PCDH7: variants seen among roughly 807,000 people sequenced by gnomAD.
The protein encoded by PCDH7 is protocadherin 7, also known as protocadherin-7.
A neutral mutation model predicts 58.9 loss-of-function variants in PCDH7; 17 were observed. The ratio of observed to expected loss-of-function variants is 0.29; its 90% confidence interval spans 0.20 to 0.43. PCDH7 has a LOEUF of 0.43. Among genes scored for constraint, PCDH7 ranks in the 20% least tolerant of loss-of-function variants. The probability of loss-of-function intolerance (pLI) is 1.00; values close to 1 mark genes in which losing one functional copy is unlikely to be tolerated. For missense variants in PCDH7, 1,274 were observed against 1,441.0 expected (o/e 0.88, Z 1.88); for synonymous variants, 664 against 616.4 (o/e 1.08, Z -1.14).
At chr4:31,002,926 A>G (rs1219215005) in intron 3 of PCDH7, among the ~76,000 whole-genome samples, 1 of 152,340 alleles carries the variant, frequency 6.6e-6, no homozygotes, top group African/African-American at 2.4e-5. Flanking sequence ...GTCAGAAGAC[A>G]AGTAATTTAT....
At chr4:31,081,928 A>G (rs759752326) in intron 3 of PCDH7, among the ~76,000 whole-genome samples, 3 of 152,030 alleles carry the variant, frequency 2.0e-5, no homozygotes, top group East Asian at 1.9e-4. Context: ...CCACGCCACC[A>G]AGGCCAGCTA....
chr4:31,021,570 G>T (rs1449814020), intron 3 of PCDH7, among the ~76,000 whole-genome samples: 3 of 152,110 alleles, frequency 2.0e-5, no homozygotes, highest in Non-Finnish European at 4.4e-5. Context: ...TGTCCTGGGG[G>T]TGGCTTTCTG....
At chr4:31,032,605 C>CAA (rs528974781) in intron 3 of PCDH7, among the ~76,000 whole-genome samples, 78 of 86,862 alleles carry the variant, frequency 9.0e-4, no homozygotes, top group South Asian at 7.3e-3. Context: ...CAGATTCTGT[C>CAA]AAAAAAAAAA....
At chr4:31,087,176 C>A (rs1578760391) in intron 3 of PCDH7, among the ~76,000 whole-genome samples, 2 of 152,066 alleles carry the variant, frequency 1.3e-5, no homozygotes. Context: ...CAGGTAGTCA[C>A]CCTGTTCGAA....
At chr4:31,013,050 A>G (rs1179699440) in intron 3 of PCDH7, among the ~76,000 whole-genome samples, 2 of 150,254 alleles carry the variant, frequency 1.3e-5, no homozygotes, top group Non-Finnish European at 3.0e-5. Flanking sequence ...AGCCAGGCAT[A>G]GTGGCACATG....
intron 3 of PCDH7, among the ~76,000 whole-genome samples, chr4:31,003,431 T>G (rs1752516225): frequency 6.6e-6 from 1 of 152,086 alleles, no homozygotes; most frequent in Non-Finnish European, 1.5e-5. Context: ...CTTCTAGTCC[T>G]CGTTTTTTTC....
intron 1 of PCDH7, among the ~76,000 whole-genome samples, chr4:30,790,680 G>T (rs7687637): frequency 0.33 from 50,278 of 152,094 alleles, 8,824 homozygotes; most frequent in African/African-American, 0.42. Flanking sequence ...CAGACTTTGG[G>T]AGGCCAAGGT....
exon 2 of PCDH7, chr4:30,730,862 T>A (rs1273534474): frequency 1.5e-5 from 23 of 1,506,104 alleles, no homozygotes; most frequent in Non-Finnish European, 2.0e-5. Flanking sequence ...TGCTGGAGCC[T>A]GCCCTTGGCC....
chr4:31,116,512 G>C (rs80134862), intron 3 of PCDH7, among the ~76,000 whole-genome samples: 1 of 152,146 alleles, frequency 6.6e-6, no homozygotes, highest in East Asian at 1.9e-4. Context: ...TGGCATTTTC[G>C]GTGGCACTGG....
chr4:31,133,441 T>C (rs970884954), intron 3 of PCDH7, among the ~76,000 whole-genome samples: 1 of 152,192 alleles, frequency 6.6e-6, no homozygotes, highest in Non-Finnish European at 1.5e-5. Flanking sequence ...AAAGTAAACA[T>C]GAATGACCAA....
At chr4:30,741,595 C>A (rs1717086105) in intron 1 of PCDH7, among the ~76,000 whole-genome samples, 1 of 152,176 alleles carries the variant, frequency 6.6e-6, no homozygotes, top group African/African-American at 2.4e-5. Context: ...CTGCAGGTCC[C>A]AATGCCCAAC....
chr4:30,949,915 A>C (rs1747175220), intron 2 of PCDH7, among the ~76,000 whole-genome samples: 1 of 152,194 alleles, frequency 6.6e-6, no homozygotes, highest in Non-Finnish European at 1.5e-5. Context: ...GGAGAATCAT[A>C]GTTGAAAGAC....
At chr4:31,083,372 T>C (rs1711875598) in intron 3 of PCDH7, among the ~76,000 whole-genome samples, 2 of 152,166 alleles carry the variant, frequency 1.3e-5, no homozygotes, top group Admixed American at 1.3e-4. Context: ...TTTCAAAATA[T>C]AGGTATGAAC....
At chr4:31,102,927 T>C (rs1017970635) in intron 3 of PCDH7, among the ~76,000 whole-genome samples, 2 of 152,334 alleles carry the variant, frequency 1.3e-5, no homozygotes, top group Non-Finnish European at 2.9e-5. Flanking sequence ...TTATGTGTCA[T>C]AGAACTCTAC....
chr4:31,032,190 A>T (rs985199003), intron 3 of PCDH7, among the ~76,000 whole-genome samples: 16 of 152,228 alleles, frequency 1.1e-4, no homozygotes, highest in Non-Finnish European at 2.2e-4. Context: ...TTTGGCCTCT[A>T]ATTATAGGAT....
intron 3 of PCDH7, among the ~76,000 whole-genome samples, chr4:30,959,438 G>GA (rs1346755613): frequency 6.6e-6 from 1 of 151,694 alleles, no homozygotes. Flanking sequence ...TATCTTTTTA[G>GA]AAAAAAAGTA....
In PCDH7 at chr4:30,834,939, A is replaced by ACACT. The variant is rs1204770455; in HGVS notation, c.71-85211_71-85210insTCAC. Among the ~76,000 whole-genome samples the ACACT allele has an allele frequency of 3.3e-4, 50 of 151,846 alleles. 1 individual carries two copies. The highest frequency in any genetic ancestry group is 1.1e-3 in the African/African-American group (46 of 41,384). On this transcript the variant is annotated intron_variant, in intron 1 of 3. Transcript: ENST00000509759. ...TATATGTGTATATATATACACACAC[A>ACACT]CACATATATATTCATCAATAAAATT...
At chr4:30,887,798 C>T (rs1445544433) in intron 1 of PCDH7, among the ~76,000 whole-genome samples, 1 of 151,816 alleles carries the variant, frequency 6.6e-6, no homozygotes, top group Admixed American at 6.6e-5. Context: ...ATTCACACGG[C>T]ATTGATCAGA....
intron 1 of PCDH7, among the ~76,000 whole-genome samples, chr4:30,843,192 A>T (rs1731450639): frequency 1.3e-5 from 2 of 151,636 alleles, no homozygotes; most frequent in South Asian, 4.2e-4. Flanking sequence ...TTTCGAATAT[A>T]GAACTTTATT....
Sources: allele counts gnomAD v4.1 joint callset (sites outside exome capture counted in the v4.1 genomes callset), GRCh38; gene constraint gnomAD v4.1.1; transcripts MANE v1.5; gene names NCBI Gene and HGNC (gene_info 2026-07-23, HGNC 2026-07-21).